Variants in SFXN5 observed in about 807,000 individuals in gnomAD.
SFXN5 encodes sideroflexin-5.
SFXN5 carries 43 observed loss-of-function variants against 50.2 expected under a neutral mutation model. The ratio of observed to expected loss-of-function variants is 0.86; its 90% confidence interval spans 0.67 to 1.11. SFXN5 has a LOEUF of 1.11. Among genes scored for constraint, SFXN5 ranks in the 50% least tolerant of loss-of-function variants. The pLI, the probability that SFXN5 is intolerant of heterozygous loss-of-function variation, is 0.00. For missense variants in SFXN5, 463 were observed against 454.1 expected, an observed-to-expected ratio of 1.02 and a Z score of -0.18; for synonymous variants, 203 against 185.8, an observed-to-expected ratio of 1.09 and a Z score of -0.75.
In SFXN5 at chr2:72,961,368, C is replaced by T. The variant is rs939324779; in HGVS notation, c.828-120G>A. The T allele has an allele frequency of 1.7e-5, 10 of 591,388 alleles. No homozygotes were observed. Among genetic ancestry groups the T allele is most frequent in the Non-Finnish European group, 2.8e-5 (10 of 351,780 alleles). 36.6% of individuals were successfully genotyped at this position (591,388 alleles called of 1,614,324 possible). On this transcript the variant is annotated intron_variant, in intron 12 of 13. Coordinates refer to ENST00000272433, the MANE Select transcript of SFXN5 (RefSeq NM_144579.3). This position sits in a 1 kb window ranked among gnomAD's most constrained non-coding sequence, Gnocchi z 4.4. ...AGGAAGCGTGGTTCCGGGGCAGTGCCAGTGTGCAGCTAAACAGATATAGCA... is the reference window on the plus strand; with the variant it reads ...AGGAAGCGTGGTTCCGGGGCAGTGCTAGTGTGCAGCTAAACAGATATAGCA...
chr2:73,006,050 C>T lies in SFXN5; in HGVS notation c.358-4472G>A, dbSNP rs181203212. 3.7e-4 allele frequency among the ~76,000 whole-genome samples: 56 copies of T among 152,264 alleles called. 1 individual carries two copies. In the East Asian group the frequency reaches 7.3e-3, roughly 20 times the overall value. On this transcript the variant is annotated intron_variant, in intron 6 of 13. Transcript: ENST00000272433. ...TGGCTCTGCTTGGTCATCTAACTTGCTCTGACTGACAGCACGTGGGAGGAC... is the reference window on the plus strand; with the variant it reads ...TGGCTCTGCTTGGTCATCTAACTTGTTCTGACTGACAGCACGTGGGAGGAC...
chr2:72,971,690 A>C lies in SFXN5; in HGVS notation c.626-5T>G, dbSNP rs753624954. ...CATTGCAGATATTGGCACTGGCTGCAGAGAGAGGGGATGCAGAGAGCAGGA... is the reference window on the plus strand; with the variant it reads ...CATTGCAGATATTGGCACTGGCTGCCGAGAGAGGGGATGCAGAGAGCAGGA... On this transcript the variant is annotated splice_region_variant and splice_polypyrimidine_tract_variant and intron_variant, in intron 10 of 13. Transcript: ENST00000272433. 2 of 1,609,358 alleles carry C rather than the reference A, an allele frequency of 1.2e-6. No homozygotes were observed. The highest frequency in any genetic ancestry group is 2.2e-5 in the South Asian group (2 of 90,962).
intron 12 of SFXN5, among the ~76,000 whole-genome samples, chr2:72,965,285 G>A (rs926989949): frequency 6.6e-5 from 10 of 152,284 alleles, no homozygotes; most frequent in Admixed American, 6.5e-4. Flanking sequence ...GAGAGCCTGG[G>A]CCACCAAGCA....
chr2:72,971,749 G>A, intron 10 of SFXN5, 64 bp from the exon 11 acceptor site: 1 of 1,229,886 alleles, frequency 8.1e-7, no homozygotes, highest in Non-Finnish European at 1.2e-6. Context: ...CTGGAGGGAG[G>A]TCACTACACT....
intron 13 of SFXN5, among the ~76,000 whole-genome samples, chr2:72,949,370 C>T (rs1672287411): frequency 6.6e-6 from 1 of 152,198 alleles, no homozygotes; most frequent in African/African-American, 2.4e-5. Context: ...GTCACCCAGG[C>T]TGGAGTGCAG....
At chr2:73,067,718 G>C (rs1174412670) in intron 1 of SFXN5, among the ~76,000 whole-genome samples, 1 of 152,272 alleles carries the variant, frequency 6.6e-6, no homozygotes, top group East Asian at 1.9e-4. Context: ...AACAAGGCCG[G>C]CTTTAAGTTG....
intron 2 of SFXN5, among the ~76,000 whole-genome samples, chr2:73,056,685 C>CAA (rs143472338): frequency 8.2e-4 from 66 of 80,834 alleles, no homozygotes; most frequent in African/African-American, 2.2e-3. Context: ...AACTCCGTCT[C>CAA]AAAAAAAAAA....
intron 9 of SFXN5, among the ~76,000 whole-genome samples, chr2:72,993,704 C>T (rs1188545519): frequency 6.6e-6 from 1 of 152,148 alleles, no homozygotes; most frequent in African/African-American, 2.4e-5. Context: ...ACCCCCTGAA[C>T]ACAGCAAGAC....
intron 10 of SFXN5, among the ~76,000 whole-genome samples, chr2:72,972,554 A>T (rs1186330331): frequency 1.3e-5 from 2 of 152,138 alleles, no homozygotes; most frequent in Non-Finnish European, 2.9e-5. Context: ...TAGCTCAGGG[A>T]TCCTCTTTCT....
chr2:73,063,874 T>A (rs1313007556), intron 1 of SFXN5, among the ~76,000 whole-genome samples: 1 of 152,190 alleles, frequency 6.6e-6, no homozygotes, highest in Non-Finnish European at 1.5e-5. Context: ...CTCAGTTCAT[T>A]TTTATTTTCT....
At chr2:72,996,042 A>G (rs1438350934) in intron 9 of SFXN5, among the ~76,000 whole-genome samples, 3 of 152,174 alleles carry the variant, frequency 2.0e-5, no homozygotes, top group Non-Finnish European at 2.9e-5. Flanking sequence ...GCTCCTCTCC[A>G]TGGGGGAGAA....
intron 9 of SFXN5, among the ~76,000 whole-genome samples, chr2:72,996,047 G>A (rs1409586760): frequency 6.6e-6 from 1 of 152,174 alleles, no homozygotes; most frequent in Non-Finnish European, 1.5e-5. Context: ...TCTCCATGGG[G>A]GAGAAGCCAT....
intron 10 of SFXN5, among the ~76,000 whole-genome samples, chr2:72,974,620 T>C (rs576357139): frequency 6.2e-4 from 95 of 152,340 alleles, no homozygotes; most frequent in African/African-American, 2.0e-3. Flanking sequence ...ACTGTGTACA[T>C]TGGTTGGCCT....
rs530909753 is a variant in SFXN5 at position 72,955,351 on chromosome 2, C to T, written c.945+5780G>A. Among the ~76,000 whole-genome samples the T allele has an allele frequency of 2.6e-5, 4 of 152,316 alleles. No homozygotes were observed. In the East Asian group the frequency reaches 7.7e-4, roughly 29 times the overall value. ...CATTAACCTTTTGCTCCTCTCCTGCCGCCTGCCAACAAGATGAAGACAAAA... is the reference window on the plus strand; with the variant it reads ...CATTAACCTTTTGCTCCTCTCCTGCTGCCTGCCAACAAGATGAAGACAAAA... On this transcript the variant is annotated intron_variant, in intron 13 of 13. Coordinates refer to ENST00000272433, the MANE Select transcript of SFXN5 (RefSeq NM_144579.3).
intron 12 of SFXN5, among the ~76,000 whole-genome samples, chr2:72,967,036 A>G (rs957301378): frequency 3.3e-5 from 5 of 152,288 alleles, no homozygotes; most frequent in African/African-American, 1.2e-4. Flanking sequence ...TGAAGAGACT[A>G]AGCTTTGCAG....
chr2:73,008,742 G>C (rs1232041375), intron 6 of SFXN5, among the ~76,000 whole-genome samples: 2 of 152,218 alleles, frequency 1.3e-5, no homozygotes, highest in African/African-American at 4.8e-5. Context: ...CAGTGCACCG[G>C]CATAGCCGCG....
At chr2:73,046,139 C>G (rs1680291810) in intron 2 of SFXN5, among the ~76,000 whole-genome samples, 1 of 152,130 alleles carries the variant, frequency 6.6e-6, no homozygotes, top group East Asian at 1.9e-4. Context: ...CCGGGTGCAG[C>G]AGCTCACGCC....
chr2:73,048,334 G>A (rs956193174), intron 2 of SFXN5, among the ~76,000 whole-genome samples: 1 of 152,172 alleles, frequency 6.6e-6, no homozygotes, highest in Non-Finnish European at 1.5e-5. Context: ...TTGTGCCTCA[G>A]CCTCCCGAGT....
intron 2 of SFXN5, among the ~76,000 whole-genome samples, chr2:73,043,732 C>T (rs1238064837): frequency 6.6e-6 from 1 of 152,038 alleles, no homozygotes; most frequent in East Asian, 1.9e-4. Context: ...TTAATTCATG[C>T]TGTTTAAAGA....
Sources: allele counts gnomAD v4.1 joint callset (sites outside exome capture counted in the v4.1 genomes callset), GRCh38; gene constraint gnomAD v4.1.1; non-coding constraint Gnocchi (gnomAD v3.1); transcripts MANE v1.5; gene names NCBI Gene and HGNC (gene_info 2026-07-23, HGNC 2026-07-21).